The following RALGPS2 variants were observed in gnomAD, a reference collection of about 807,000 sequenced individuals.
The protein encoded by RALGPS2 is ras-specific guanine nucleotide-releasing factor RalGPS2.
Under a neutral mutation model 86.8 loss-of-function variants are expected in RALGPS2, and 43 were observed. That is an observed-to-expected ratio of 0.50 (90% CI 0.39 to 0.64). RALGPS2 has a LOEUF of 0.64. Among genes scored for constraint, RALGPS2 ranks in the 30% least tolerant of loss-of-function variants. The pLI, the probability that RALGPS2 is intolerant of heterozygous loss-of-function variation, is 0.00. For missense variants in RALGPS2, 536 were observed against 694.6 expected (o/e 0.77, Z 2.57); for synonymous variants, 243 against 231.3 (o/e 1.05, Z -0.46).
chr1:178,828,714 A>G (rs1655874701), intron 7 of RALGPS2, among the ~76,000 whole-genome samples: 1 of 152,236 alleles, frequency 6.6e-6, no homozygotes, highest in Non-Finnish European at 1.5e-5. Flanking sequence ...TCAAAACCAC[A>G]TAATATATCA....
At position 178,801,753 on chromosome 1, in the gene RALGPS2, A is replaced by G. The variant is rs1205062269; in HGVS notation, c.214-6292A>G. 3.5e-5 allele frequency among the ~76,000 whole-genome samples: 5 copies of G among 144,850 alleles called. No homozygotes were observed. In the East Asian group the frequency reaches 1.1e-3, roughly 33 times the overall value. Reference sequence around the variant, plus strand: ...AAGAGTTTCGAGATATGGATCTTGGAGAAATTCAAGAGCTAATAAACACCA... The same window carrying G: ...AAGAGTTTCGAGATATGGATCTTGGGGAAATTCAAGAGCTAATAAACACCA... On this transcript the variant is annotated intron_variant, in intron 4 of 19. Coordinates refer to ENST00000367635, the MANE Select transcript of RALGPS2 (RefSeq NM_152663.5).
intron 1 of RALGPS2, among the ~76,000 whole-genome samples, chr1:178,769,645 A>T (rs1652685445): frequency 6.6e-6 from 1 of 152,110 alleles, no homozygotes; most frequent in Non-Finnish European, 1.5e-5. Flanking sequence ...TTGCTGGGGT[A>T]CCCAGCAGTG....
At chr1:178,776,180 G>A (rs1653073433) in intron 1 of RALGPS2, among the ~76,000 whole-genome samples, 1 of 152,126 alleles carries the variant, frequency 6.6e-6, no homozygotes, top group South Asian at 2.1e-4. Context: ...AATCCCCCAT[G>A]GATACTGAGA....
intron 4 of RALGPS2, among the ~76,000 whole-genome samples, chr1:178,802,821 T>G (rs564075069): frequency 1.1e-3 from 172 of 152,340 alleles, no homozygotes; most frequent in African/African-American, 3.8e-3. Flanking sequence ...GTGTATTTTA[T>G]GGTAGTAAAT....
At chr1:178,849,532 C>T (rs907993752) in intron 8 of RALGPS2, among the ~76,000 whole-genome samples, 1 of 152,172 alleles carries the variant, frequency 6.6e-6, no homozygotes, top group African/African-American at 2.4e-5. Flanking sequence ...ATACTGCTTT[C>T]AATAACTGAG....
chr1:178,920,416 A>C lies in RALGPS2; in HGVS notation c.*4057A>C, dbSNP rs148990299. ...GCAATTTTAGGGCATCAAGTATGAC[A>C]ATAATCATGTGCCCTCTTGCTCCTC... On this transcript the variant is annotated 3_prime_UTR_variant, in exon 20 of 20. Coordinates refer to ENST00000367635, the MANE Select transcript of RALGPS2 (RefSeq NM_152663.5). 6.6e-6 allele frequency: 1 copy of C among 152,014 alleles called. No individual in the cohort carries two copies. The highest frequency in any genetic ancestry group is 1.5e-5 in the Non-Finnish European group (1 of 67,904). The allele number at this position is 152,014 out of a possible 1,614,324, so 9.4% of individuals were successfully genotyped here. A position where few individuals can be genotyped will look rare whatever the true frequency, so the allele number is the denominator to read the frequency against.
intron 6 of RALGPS2, among the ~76,000 whole-genome samples, chr1:178,812,294 G>C (rs1173798869): frequency 1.3e-5 from 2 of 152,092 alleles, no homozygotes; most frequent in East Asian, 3.9e-4. Context: ...CTCTAGGGGA[G>C]GTGGCATTAC....
intron 1 of RALGPS2, among the ~76,000 whole-genome samples, chr1:178,763,775 C>T (rs1035944866): frequency 3.9e-5 from 6 of 151,908 alleles, no homozygotes; most frequent in Non-Finnish European, 7.4e-5. Context: ...GAACAGGTTG[C>T]TTAATTTTCA....
At position 178,784,444 on chromosome 1, in the gene RALGPS2, T is replaced by C; in HGVS notation, c.84T>C (p.Ser28=). ...SEKSSSSESL[S]DKGSELKKSF... is the part of the protein sequence containing the mutation. ...AAAGTAGCAGCTCTGAATCCTTAAG[T>C]GACAAAGGCTCTGAATTGAAGAAAA... The change falls in exon 3 of 20, where the codon AGT becomes AGC. Residue 28 remains serine, a synonymous_variant. Transcript: ENST00000367635. 1 of 1,604,990 alleles carries C rather than the reference T, an allele frequency of 6.2e-7. No homozygotes were observed.
intron 4 of RALGPS2, among the ~76,000 whole-genome samples, chr1:178,804,461 CG>C (rs1394666010): frequency 7.5e-6 from 1 of 132,910 alleles, no homozygotes; most frequent in Non-Finnish European, 1.6e-5. Context: ...CAGAGTGTGA[CG>C]TTCCCCTTCC....
intron 1 of RALGPS2, among the ~76,000 whole-genome samples, chr1:178,741,373 C>T (rs1651017103): frequency 6.6e-6 from 1 of 152,128 alleles, no homozygotes; most frequent in African/African-American, 2.4e-5. Flanking sequence ...CCCAGGTGGT[C>T]CAGTTACAGA....
At chr1:178,793,961 TG>T (rs1181002476) in intron 4 of RALGPS2, among the ~76,000 whole-genome samples, 4 of 152,236 alleles carry the variant, frequency 2.6e-5, no homozygotes, top group Admixed American at 6.5e-5. Flanking sequence ...CAAAGGATTC[TG>T]TAGTTTCATT....
At position 178,917,765 on chromosome 1, in the gene RALGPS2, T is replaced by C. The variant is rs183376926; in HGVS notation, c.*1406T>C. 4.0e-4 allele frequency: 61 copies of C among 152,158 alleles called. No individual in the cohort carries two copies. Among genetic ancestry groups the C allele is most frequent in the African/African-American group, 1.5e-3 (61 of 41,532 alleles). The allele number at this position is 152,158 out of a possible 1,614,324, so 9.4% of individuals were successfully genotyped here. A position where few individuals can be genotyped will look rare whatever the true frequency, so the allele number is the denominator to read the frequency against. On this transcript the variant is annotated 3_prime_UTR_variant, in exon 20 of 20. Transcript: ENST00000367635. ...GATGCCTTAGAATTTTAATGAAAAA[T>C]GACACTCAAACAAAGGCTATATGTC...
rs1659427337 is a variant in RALGPS2 at position 178,885,205 on chromosome 1, G to A, written c.1034G>A (p.Gly345Asp). ...PHGHRKCHSL[G>D]YNFIHKMNTA... Reference sequence around the variant, plus strand: ...GGACATAGGAAGTGCCATAGTTTGGGTTATAAGTCAGCATTTTTAATTTTA... The same window carrying A: ...GGACATAGGAAGTGCCATAGTTTGGATTATAAGTCAGCATTTTTAATTTTA... The change falls in exon 12 of 20, where the codon GGT (glycine) becomes GAT (aspartate). Residue 345 changes from glycine to aspartate, a missense_variant. Physicochemically the swap from Gly to Asp is moderately conservative, Grantham distance 94 (BLOSUM62 -1). Transcript: ENST00000367635. 1 of 1,605,860 alleles carries A rather than the reference G, an allele frequency of 6.2e-7. No homozygotes were observed. The highest frequency in any genetic ancestry group is 1.1e-5 in the South Asian group (1 of 88,722).
At position 178,885,982 on chromosome 1, in the gene RALGPS2, A is replaced by AT; in HGVS notation, c.1055dup (p.Met352IlefsTer7). The stretch of plus-strand genomic sequence containing the variant: ...TTCTGTTTCTAGTTTCATTCATAAA[A>AT]TGAACACAGCAGAATTTAAGAGTGC... On this transcript the variant is annotated frameshift_variant, in exon 13 of 20. Coordinates refer to ENST00000367635, the MANE Select transcript of RALGPS2 (RefSeq NM_152663.5). LOFTEE classifies it high-confidence loss of function. The AT allele has an allele frequency of 6.3e-7, 1 of 1,591,214 alleles. No homozygotes were observed.
At chr1:178,752,950 T>C (rs1204459621) in intron 1 of RALGPS2, among the ~76,000 whole-genome samples, 1 of 152,232 alleles carries the variant, frequency 6.6e-6, no homozygotes, top group Admixed American at 6.5e-5. Context: ...TTCATTAATA[T>C]GGACTCTGCC....
At chr1:178,896,040 G>T (rs1160285012) in intron 16 of RALGPS2, among the ~76,000 whole-genome samples, 4 of 152,000 alleles carry the variant, frequency 2.6e-5, no homozygotes, top group Non-Finnish European at 4.4e-5. Flanking sequence ...CTCCCACAAA[G>T]AAGAGTATAA....
chr1:178,866,915 AC>A (rs1324309345), intron 8 of RALGPS2, among the ~76,000 whole-genome samples: 4 of 152,136 alleles, frequency 2.6e-5, no homozygotes, highest in Admixed American at 2.6e-4. Flanking sequence ...CTCTCTAGTT[AC>A]CTCCCACAAG....
intron 1 of RALGPS2, among the ~76,000 whole-genome samples, chr1:178,767,823 G>C (rs1038083299): frequency 2.6e-5 from 4 of 152,186 alleles, no homozygotes; most frequent in Non-Finnish European, 5.9e-5. Context: ...AGCTGTAGCA[G>C]GTGCAGCTTG....
Sources: allele counts gnomAD v4.1 joint callset (sites outside exome capture counted in the v4.1 genomes callset), GRCh38; gene constraint gnomAD v4.1.1; transcripts MANE v1.5; gene names NCBI Gene and HGNC (gene_info 2026-07-23, HGNC 2026-07-21).